The following ADGRL3 variants were observed in gnomAD, a reference collection of about 807,000 sequenced individuals.
ADGRL3 encodes the protein adhesion G protein-coupled receptor L3.
In ADGRL3, 62 loss-of-function variants were observed where a neutral mutation model predicts 153.5. The ratio of observed to expected loss-of-function variants is 0.40; its 90% CI spans 0.33 to 0.50. The LOEUF (loss-of-function observed/expected upper bound fraction) is 0.50. Ranked by LOEUF, ADGRL3 falls within the 20% of genes least tolerant of loss-of-function variation. ADGRL3 has a pLI of 0.47. For synonymous variants in ADGRL3, 710 were observed against 672.5 expected, an observed-to-expected ratio of 1.06 and a Z score of -0.86; for missense variants, 1,641 against 1,859.4, an observed-to-expected ratio of 0.88 and a Z score of 2.16.
intron 1 of ADGRL3, among the ~76,000 whole-genome samples, chr4:61,282,990 T>C (rs1348118256): frequency 6.6e-6 from 1 of 152,072 alleles, no homozygotes; most frequent in Non-Finnish European, 1.5e-5. Flanking sequence ...TAATATGACA[T>C]GTAGAATTCT....
At chr4:61,299,809 G>C (rs2094525384) in intron 1 of ADGRL3, among the ~76,000 whole-genome samples, 1 of 152,104 alleles carries the variant, frequency 6.6e-6, no homozygotes, top group Non-Finnish European at 1.5e-5. Context: ...ATAATTAACA[G>C]TTCACTGTTC....
chr4:61,815,824 AG>A (rs1325974711), intron 9 of ADGRL3, among the ~76,000 whole-genome samples: 1 of 152,214 alleles, frequency 6.6e-6, no homozygotes, highest in Non-Finnish European at 1.5e-5. Context: ...AGGACACAGC[AG>A]GAGGTGCCAT....
intron 1 of ADGRL3, among the ~76,000 whole-genome samples, chr4:61,209,616 C>T (rs1738964028): frequency 6.6e-6 from 1 of 151,886 alleles, no homozygotes; most frequent in South Asian, 2.1e-4. Context: ...TCCCTCTGTC[C>T]TTTTTTAACC....
chr4:61,775,708 TG>T, intron 8 of ADGRL3: 1 of 1,305,336 alleles, frequency 7.7e-7, no homozygotes, highest in Non-Finnish European at 1.1e-6. Context: ...CACACAAAGG[TG>T]GGCTTGGTGC....
At chr4:61,812,131 A>G (rs2097634511) in intron 8 of ADGRL3, among the ~76,000 whole-genome samples, 1 of 152,214 alleles carries the variant, frequency 6.6e-6, no homozygotes, top group Non-Finnish European at 1.5e-5. Flanking sequence ...TATAATTAAG[A>G]TTATCTGAAG....
intron 22 of ADGRL3, among the ~76,000 whole-genome samples, chr4:62,030,581 T>C (rs1452690906): frequency 6.6e-6 from 1 of 151,616 alleles, no homozygotes; most frequent in Non-Finnish European, 1.5e-5. Flanking sequence ...GCAAATGACA[T>C]CTTGGAGGAA....
intron 2 of ADGRL3, among the ~76,000 whole-genome samples, chr4:61,492,274 G>T (rs1364436823): frequency 6.6e-6 from 1 of 152,128 alleles, no homozygotes; most frequent in Non-Finnish European, 1.5e-5. Flanking sequence ...AGTAGAATTT[G>T]TAGTTATAAT....
At chr4:61,457,553 A>G (rs991505386) in intron 2 of ADGRL3, among the ~76,000 whole-genome samples, 4 of 151,950 alleles carry the variant, frequency 2.6e-5, no homozygotes, top group Non-Finnish European at 4.4e-5. Flanking sequence ...ATATTGTTAA[A>G]TAATGAAAAT....
At chr4:61,369,413 T>G (rs2096475497) in intron 1 of ADGRL3, among the ~76,000 whole-genome samples, 1 of 152,190 alleles carries the variant, frequency 6.6e-6, no homozygotes, top group South Asian at 2.1e-4. Context: ...CATCAATACC[T>G]AATTTATTGA....
chr4:61,383,930 G>A (rs2096704500), intron 2 of ADGRL3, among the ~76,000 whole-genome samples: 1 of 151,660 alleles, frequency 6.6e-6, no homozygotes. Context: ...AAGTTACTTT[G>A]TAAAGTTTAG....
At chr4:61,854,260 G>A (rs1031740071) in intron 9 of ADGRL3, among the ~76,000 whole-genome samples, 11 of 152,154 alleles carry the variant, frequency 7.2e-5, no homozygotes, top group African/African-American at 2.7e-4. Flanking sequence ...CAGCACCCAT[G>A]TGTTGTTTTC....
At position 61,726,210 on chromosome 4, in the gene ADGRL3, G is replaced by GTTTTTTTTGTTTTTTTTTTTTTT. The variant is rs149472429; in HGVS notation, c.584-4406_584-4405insTTGTTTTTTTTTTTTTTTTTTTT. Among the ~76,000 whole-genome samples, 64 of 118,510 alleles carry GTTTTTTTTGTTTTTTTTTTTTTT rather than the reference G, an allele frequency of 5.4e-4. 2 individuals are homozygous for GTTTTTTTTGTTTTTTTTTTTTTT. The highest frequency in any genetic ancestry group is 5.7e-4 in the Non-Finnish European group (33 of 58,132). 77.7% of individuals were successfully genotyped at this position (118,510 alleles called of 152,430 possible). On this transcript the variant is annotated intron_variant, in intron 6 of 26. Transcript: ENST00000683033. ...AATACTCACTGGAACTTTTTTTTTT[G>GTTTTTTTTGTTTTTTTTTTTTTT]TTTTTTGAGAAGGAGTCTCACCCTG...
chr4:61,858,794 C>T (rs1262359665), intron 9 of ADGRL3, among the ~76,000 whole-genome samples: 1 of 152,040 alleles, frequency 6.6e-6, no homozygotes, highest in Admixed American at 6.6e-5. Flanking sequence ...TCAGATTTGG[C>T]CCTTCGTTCT....
chr4:61,466,192 G>A (rs1268096089), intron 2 of ADGRL3, among the ~76,000 whole-genome samples: 2 of 152,086 alleles, frequency 1.3e-5, no homozygotes, highest in African/African-American at 4.8e-5. Flanking sequence ...AAACTTGAGA[G>A]TATTTTAAAG....
chr4:61,699,963 C>CAT (rs1159691978), intron 6 of ADGRL3, among the ~76,000 whole-genome samples: 3 of 149,674 alleles, frequency 2.0e-5, no homozygotes, highest in African/African-American at 7.4e-5. Flanking sequence ...CACACACACA[C>CAT]ACACAAAAAC....
intron 2 of ADGRL3, among the ~76,000 whole-genome samples, chr4:61,444,871 G>A (rs1337937589): frequency 6.6e-6 from 1 of 151,996 alleles, no homozygotes; most frequent in Non-Finnish European, 1.5e-5. Flanking sequence ...TGGGCAACAT[G>A]GCGAAACCTT....
chr4:61,945,795 C>G (rs974890886), intron 15 of ADGRL3, among the ~76,000 whole-genome samples: 3 of 151,866 alleles, frequency 2.0e-5, no homozygotes, highest in Non-Finnish European at 4.4e-5. Context: ...TGCTTCGGCT[C>G]GCGCACGGTG....
chr4:61,329,698 A>C (rs1029921745), intron 1 of ADGRL3, among the ~76,000 whole-genome samples: 5 of 148,694 alleles, frequency 3.4e-5, no homozygotes, highest in Admixed American at 6.8e-5. Flanking sequence ...ATAAGAAAAA[A>C]AATATAGTAT....
chr4:61,310,325 C>G (rs1446738221), intron 1 of ADGRL3, among the ~76,000 whole-genome samples: 1 of 151,966 alleles, frequency 6.6e-6, no homozygotes, highest in Non-Finnish European at 1.5e-5. Flanking sequence ...AGCGCTTAGG[C>G]TCTTGGTAAA....
Sources: gnomAD v4.1 joint callset for allele counts (sites outside exome capture counted in the v4.1 genomes callset) on GRCh38, gnomAD v4.1.1 for gene constraint, MANE v1.5 for transcripts, NCBI Gene and HGNC (gene_info 2026-07-23, HGNC 2026-07-21) for gene names.